CLIP1: variants seen among roughly 807,000 people sequenced by gnomAD.
CLIP1 encodes CAP-Gly domain-containing linker protein 1.
Under a neutral mutation model 161.6 loss-of-function variants are expected in CLIP1, and 66 were observed. The ratio of observed to expected loss-of-function variants is 0.41; its 90% CI spans 0.33 to 0.50. The LOEUF (loss-of-function observed/expected upper bound fraction) is 0.50, where lower values mean the gene tolerates loss of function less well. Ranked by LOEUF, CLIP1 falls within the 20% of genes least tolerant of loss-of-function variation. CLIP1 has a pLI of 0.27. For missense variants in CLIP1, 1,376 were observed against 1,702.0 expected, an observed-to-expected ratio of 0.81 and a Z score of 3.37; for synonymous variants, 598 against 626.2, an observed-to-expected ratio of 0.96 and a Z score of 0.67.
chr12:122,297,783 G>A (rs1221567647), intron 20 of CLIP1, among the ~76,000 whole-genome samples: 1 of 152,212 alleles, frequency 6.6e-6, no homozygotes, highest in African/African-American at 2.4e-5. Flanking sequence ...AGAAGGGAGT[G>A]GCGCAGACAC....
chr12:122,339,780 G>A (rs1952409884), intron 11 of CLIP1, among the ~76,000 whole-genome samples: 1 of 152,114 alleles, frequency 6.6e-6, no homozygotes, highest in African/African-American at 2.4e-5. Flanking sequence ...ACATCACAGG[G>A]TGCACTTACA....
At chr12:122,380,305 A>T in intron 2 of CLIP1, 63 bp downstream of exon 2, 1 of 1,077,202 alleles carries the variant, frequency 9.3e-7, no homozygotes, top group Non-Finnish European at 1.4e-6. Context: ...ATAATGTTTT[A>T]AAATTAAAAA....
chr12:122,373,553 A>C (rs1954562369), intron 3 of CLIP1, among the ~76,000 whole-genome samples: 1 of 151,894 alleles, frequency 6.6e-6, no homozygotes, highest in South Asian at 2.1e-4. Flanking sequence ...GGAAGGACAT[A>C]CTTGTATACT....
intron 21 of CLIP1, among the ~76,000 whole-genome samples, chr12:122,285,228 CTT>C (rs56813970): frequency 0.4 from 53,787 of 136,152 alleles, 10,371 homozygotes; most frequent in East Asian, 0.59. Context: ...GATACCAGTC[CTT>C]TTTTTTTTTT....
chr12:122,365,962 T>C (rs1049876148), intron 3 of CLIP1, among the ~76,000 whole-genome samples: 1 of 151,880 alleles, frequency 6.6e-6, no homozygotes, highest in Non-Finnish European at 1.5e-5. Context: ...TGAGCCACAG[T>C]TGTACCACTG....
chr12:122,388,411 G>A (rs888698136), intron 1 of CLIP1, among the ~76,000 whole-genome samples: 47 of 152,106 alleles, frequency 3.1e-4, no homozygotes, highest in African/African-American at 8.0e-4. Flanking sequence ...AGTAGAGACG[G>A]GGTTTCACCG....
rs570242057 is a variant in CLIP1 at position 122,333,994 on chromosome 12, T to G, written c.2710+33A>C. On this transcript the variant is annotated intron_variant, in intron 14 of 25. Coordinates refer to ENST00000620786, the MANE Select transcript of CLIP1 (RefSeq NM_001247997.2). ...CTCGAATACGGGAAAGCCTACTGTA[T>G]TTAATGTTTAGTCACCAGAGATGTC... The G allele has an allele frequency of 9.3e-5, 125 of 1,345,532 alleles. 1 individual carries two copies. In the South Asian group the frequency reaches 1.0e-3, roughly 11 times the overall value. The allele number at this position is 1,345,532 out of a possible 1,614,324, so 83.3% of individuals were successfully genotyped here.
At chr12:122,411,337 A>G (rs975759945) in intron 1 of CLIP1, among the ~76,000 whole-genome samples, 1 of 152,176 alleles carries the variant, frequency 6.6e-6, no homozygotes, top group African/African-American at 2.4e-5. Flanking sequence ...ATTTGCTTCA[A>G]CCCAGGAGGT....
At chr12:122,361,997 AGGCTGGAGTGCAGC>A (rs1402916221) in intron 4 of CLIP1, among the ~76,000 whole-genome samples, 2 of 151,912 alleles carry the variant, frequency 1.3e-5, no homozygotes, top group African/African-American at 4.8e-5. Context: ...TCTGTTGCCC[AGGCTGGAGTGCAGC>A]GGCGCAATCT....
chr12:122,403,799 CAT>C (rs1055123773), intron 1 of CLIP1, among the ~76,000 whole-genome samples: 4 of 152,078 alleles, frequency 2.6e-5, no homozygotes, highest in African/African-American at 9.7e-5. Flanking sequence ...GGGATTACCA[CAT>C]GAGCCACCGT....
chr12:122,403,314 C>A (rs543787903), intron 1 of CLIP1, among the ~76,000 whole-genome samples: 3 of 152,026 alleles, frequency 2.0e-5, no homozygotes, highest in Non-Finnish European at 2.9e-5. Context: ...CAAGGCACTG[C>A]CCAGTAAAAC....
intron 20 of CLIP1, among the ~76,000 whole-genome samples, chr12:122,293,426 T>A (rs1418751358): frequency 6.6e-6 from 1 of 151,920 alleles, no homozygotes; most frequent in African/African-American, 2.4e-5. Flanking sequence ...CCTCATAAAT[T>A]GCTGGTGAGA....
intron 20 of CLIP1, among the ~76,000 whole-genome samples, chr12:122,298,374 C>T (rs1292416999): frequency 6.6e-6 from 1 of 151,918 alleles, no homozygotes; most frequent in Non-Finnish European, 1.5e-5. Context: ...TTTGGGAGGC[C>T]GAGGCGGGTG....
At chr12:122,357,716 G>A (rs1464792462) in intron 5 of CLIP1, among the ~76,000 whole-genome samples, 2 of 143,290 alleles carry the variant, frequency 1.4e-5, no homozygotes, top group African/African-American at 5.2e-5. Context: ...CCAGCCAGCC[G>A]CCCCGTCCGG....
intron 1 of CLIP1, among the ~76,000 whole-genome samples, chr12:122,392,015 A>C (rs559513455): frequency 5.4e-4 from 82 of 152,358 alleles, no homozygotes; most frequent in African/African-American, 1.9e-3. Flanking sequence ...TCACACCTGT[A>C]ATCCTAGCAC....
chr12:122,383,319 C>T (rs1410681230), intron 1 of CLIP1, among the ~76,000 whole-genome samples: 2 of 152,222 alleles, frequency 1.3e-5, no homozygotes, highest in Non-Finnish European at 2.9e-5. Context: ...TCACGTCAAG[C>T]ACTCCCTAAA....
intron 4 of CLIP1, among the ~76,000 whole-genome samples, chr12:122,361,806 G>C (rs943161031): frequency 2.0e-5 from 3 of 152,212 alleles, no homozygotes; most frequent in Non-Finnish European, 4.4e-5. Context: ...AGTCCAGCCT[G>C]GGTGACGGGG....
intron 1 of CLIP1, among the ~76,000 whole-genome samples, chr12:122,383,568 C>A (rs1955104722): frequency 6.6e-6 from 1 of 152,102 alleles, no homozygotes; most frequent in African/African-American, 2.4e-5. Flanking sequence ...AGAACTGTGA[C>A]CAAGGTTTAA....
intron 3 of CLIP1, among the ~76,000 whole-genome samples, chr12:122,376,392 T>C (rs529057391): frequency 6.6e-6 from 1 of 151,934 alleles, no homozygotes; most frequent in East Asian, 2.0e-4. Flanking sequence ...GTTAGTATAG[T>C]GGTGAGTGTT....
Sources: gnomAD v4.1 joint callset for allele counts (sites outside exome capture counted in the v4.1 genomes callset) on GRCh38, gnomAD v4.1.1 for gene constraint, MANE v1.5 for transcripts, NCBI Gene and HGNC (gene_info 2026-07-23, HGNC 2026-07-21) for gene names.